Variants in EBF1 observed in about 807,000 individuals in gnomAD.
EBF1 encodes the protein EBF transcription factor 1, also known as transcription factor COE1.
Under a neutral mutation model 68.4 loss-of-function variants are expected in EBF1, and 10 were observed. That is an observed-to-expected ratio of 0.15 (90% CI 0.09 to 0.25). The LOEUF (loss-of-function observed/expected upper bound fraction) is 0.25. Among genes scored for constraint, EBF1 ranks in the 10% least tolerant of loss-of-function variants. The pLI is 1.00. For missense variants in EBF1, 509 were observed against 794.4 expected (o/e 0.64, Z 4.32); for synonymous variants, 298 against 299.8 (o/e 0.99, Z 0.06).
intron 11 of EBF1, among the ~76,000 whole-genome samples, chr5:158,729,129 T>G (rs2127540378): frequency 6.6e-6 from 1 of 152,338 alleles, no homozygotes. Flanking sequence ...AGCTACCTTT[T>G]GTTGGCTGCT....
At chr5:158,751,098 C>T (rs906912570) in intron 10 of EBF1, among the ~76,000 whole-genome samples, 4 of 151,800 alleles carry the variant, frequency 2.6e-5, no homozygotes, top group South Asian at 4.1e-4. Context: ...ACCACAAATA[C>T]GAAGAAAATG....
chr5:158,703,631 T>C (rs960133912), intron 15 of EBF1, among the ~76,000 whole-genome samples: 2 of 148,334 alleles, frequency 1.3e-5, no homozygotes, highest in Non-Finnish European at 3.0e-5. Context: ...CCCTCAGATA[T>C]ATGGTAACTT....
At chr5:158,786,982 T>C (rs770865819) in intron 9 of EBF1, among the ~76,000 whole-genome samples, 8 of 152,186 alleles carry the variant, frequency 5.3e-5, no homozygotes, top group Admixed American at 3.3e-4. Context: ...ACATTTTTTG[T>C]GGTGTTTGTC....
chr5:159,096,515 G>A (rs895832781), intron 2 of EBF1, 109 bp from the exon 3 acceptor site: 6 of 1,237,916 alleles, frequency 4.8e-6, no homozygotes, highest in Non-Finnish European at 5.8e-6. Flanking sequence ...CCCCGCTGGC[G>A]AGCCAGGCAG....
intron 6 of EBF1, among the ~76,000 whole-genome samples, chr5:159,051,613 A>C (rs1011508436): frequency 1.3e-5 from 2 of 151,592 alleles, no homozygotes; most frequent in African/African-American, 4.9e-5. Flanking sequence ...CGCTGCCCAC[A>C]GTGCGCTCGG....
At chr5:158,717,835 T>G (rs1238381580) in intron 11 of EBF1, among the ~76,000 whole-genome samples, 2 of 152,156 alleles carry the variant, frequency 1.3e-5, no homozygotes, top group Non-Finnish European at 2.9e-5. Context: ...CAACAACTAC[T>G]TTTCACTGAT....
At chr5:158,900,268 T>A (rs1354429045) in intron 6 of EBF1, among the ~76,000 whole-genome samples, 1 of 152,198 alleles carries the variant, frequency 6.6e-6, no homozygotes, top group Admixed American at 6.5e-5. Flanking sequence ...TTCAAGGCCA[T>A]CTCCCTGGAG....
At chr5:158,964,754 T>C (rs1753766239) in intron 6 of EBF1, among the ~76,000 whole-genome samples, 1 of 152,186 alleles carries the variant, frequency 6.6e-6, no homozygotes, top group South Asian at 2.1e-4. Flanking sequence ...GGCCCACGTA[T>C]AACCAAGTGC....
chr5:158,962,022 C>T (rs538740949), intron 6 of EBF1, among the ~76,000 whole-genome samples: 9 of 152,240 alleles, frequency 5.9e-5, no homozygotes, highest in South Asian at 4.1e-4. Flanking sequence ...ATGCACAGGC[C>T]GATCAACCAT....
At chr5:158,823,069 CTT>C (rs1246268671) in intron 8 of EBF1, 105 bp downstream of exon 8, 5 of 1,499,260 alleles carry the variant, frequency 3.3e-6, no homozygotes, top group African/African-American at 2.8e-5. Flanking sequence ...TTCAAAAAGA[CTT>C]TTGAAATTTG....
chr5:158,873,165 A>C (rs1797190874), intron 6 of EBF1, among the ~76,000 whole-genome samples: 1 of 152,144 alleles, frequency 6.6e-6, no homozygotes, highest in Admixed American at 6.5e-5. Context: ...AATGATTTTC[A>C]TCAATACAAG....
intron 6 of EBF1, among the ~76,000 whole-genome samples, chr5:158,942,147 A>G (rs1813563663): frequency 6.6e-6 from 1 of 152,230 alleles, no homozygotes; most frequent in African/African-American, 2.4e-5. Flanking sequence ...TGCTATATAA[A>G]ATAAAATATA....
chr5:159,074,705 C>T (rs1010396675), intron 5 of EBF1, among the ~76,000 whole-genome samples: 2 of 152,216 alleles, frequency 1.3e-5, no homozygotes, highest in Admixed American at 6.5e-5. Flanking sequence ...TTAGTCTCCA[C>T]TCTTAAGTGT....
At chr5:159,008,191 G>A (rs1362267969) in intron 6 of EBF1, among the ~76,000 whole-genome samples, 2 of 152,166 alleles carry the variant, frequency 1.3e-5, no homozygotes, top group African/African-American at 2.4e-5. Context: ...ATCACTAGAA[G>A]TTTAAGAAGT....
At chr5:158,794,560 G>A (rs1779281373) in intron 9 of EBF1, among the ~76,000 whole-genome samples, 1 of 152,172 alleles carries the variant, frequency 6.6e-6, no homozygotes, top group South Asian at 2.1e-4. Context: ...TTTACAGGAA[G>A]CTTCAGACTA....
intron 6 of EBF1, among the ~76,000 whole-genome samples, chr5:158,975,674 T>A (rs2127573458): frequency 6.6e-6 from 1 of 152,276 alleles, no homozygotes; most frequent in East Asian, 1.9e-4. Context: ...CAAATGGAAG[T>A]TTAAAATGGA....
At chr5:158,741,699 T>C (rs538973505) in intron 10 of EBF1, among the ~76,000 whole-genome samples, 1 of 152,162 alleles carries the variant, frequency 6.6e-6, no homozygotes, top group Non-Finnish European at 1.5e-5. Context: ...AAATATCTCA[T>C]AGCATCCCAT....
chr5:158,734,148 A>T (rs1004143532), intron 10 of EBF1, among the ~76,000 whole-genome samples: 1 of 152,232 alleles, frequency 6.6e-6, no homozygotes, highest in African/African-American at 2.4e-5. Context: ...CATATATAGA[A>T]TAAAGAAAAT....
chr5:158,819,643 T>A (rs1044321596), intron 8 of EBF1, among the ~76,000 whole-genome samples: 1 of 152,190 alleles, frequency 6.6e-6, no homozygotes, highest in Non-Finnish European at 1.5e-5. Context: ...AACATAGCCT[T>A]GTGGCAGCCA....
Sources: allele counts gnomAD v4.1 joint callset (sites outside exome capture counted in the v4.1 genomes callset), GRCh38; gene constraint gnomAD v4.1.1; transcripts MANE v1.5; gene names NCBI Gene and HGNC (gene_info 2026-07-23, HGNC 2026-07-21).